Variants in ABCG8 observed in about 807,000 individuals in gnomAD.
ABCG8 encodes ATP binding cassette subfamily G member 8.
A neutral mutation model predicts 71.3 loss-of-function variants in ABCG8; 81 were observed. The ratio of observed to expected loss-of-function variants is 1.14; its 90% CI spans 0.95 to 1.37. The LOEUF (loss-of-function observed/expected upper bound fraction) is 1.37, where lower values mean the gene tolerates loss of function less well. ABCG8 is among the 40% of genes most tolerant of loss of function. The pLI, the probability that ABCG8 is intolerant of heterozygous loss-of-function variation, is 0.00. For synonymous variants in ABCG8, 451 were observed against 354.7 expected, an observed-to-expected ratio of 1.27 and a Z score of -3.05; for missense variants, 1,119 against 866.2, an observed-to-expected ratio of 1.29 and a Z score of -3.66.
At chr2:43,874,114 G>A (rs1337377408) in intron 9 of ABCG8, 128 bp downstream of exon 9, 2 of 1,068,112 alleles carry the variant, frequency 1.9e-6, no homozygotes, top group African/African-American at 1.6e-5. Context: ...TGTTTTTAAA[G>A]TTTGCATGTT....
chr2:43,856,766 C>G (rs1259438014), intron 6 of ABCG8, among the ~76,000 whole-genome samples: 1 of 151,732 alleles, frequency 6.6e-6, no homozygotes, highest in Non-Finnish European at 1.5e-5. Context: ...GGATAGAATT[C>G]TCACTCTAGA....
chr2:43,857,386 TCTCA>T (rs1410507581), intron 6 of ABCG8, among the ~76,000 whole-genome samples: 1 of 151,818 alleles, frequency 6.6e-6, no homozygotes, highest in African/African-American at 2.4e-5. Context: ...TGGATAGAAC[TCTCA>T]CTATCTATCT....
chr2:43,845,702 A>G (rs1011234240), intron 2 of ABCG8, among the ~76,000 whole-genome samples: 6 of 151,982 alleles, frequency 3.9e-5, no homozygotes, highest in South Asian at 2.1e-4. Flanking sequence ...GCTGACTGCA[A>G]TCTCTGCCTC....
At chr2:43,862,669 A>G (rs980236459) in intron 6 of ABCG8, among the ~76,000 whole-genome samples, 7 of 151,460 alleles carry the variant, frequency 4.6e-5, no homozygotes, top group Non-Finnish European at 8.9e-5. Flanking sequence ...TGGATAGAAT[A>G]GAATTCTCAC....
At chr2:43,850,777 G>T (rs1668887878) in intron 3 of ABCG8, among the ~76,000 whole-genome samples, 1 of 152,052 alleles carries the variant, frequency 6.6e-6, no homozygotes, top group Admixed American at 6.6e-5. Context: ...GCCGGGCATG[G>T]TAGCGCCTGT....
chr2:43,857,971 G>A lies in ABCG8; in HGVS notation c.964+5103G>A, dbSNP rs1170445592. On this transcript the variant is annotated intron_variant, in intron 6 of 12. Coordinates refer to ENST00000272286, the MANE Select transcript of ABCG8 (RefSeq NM_022437.3). ...GGGTAGATTGCTCACCATCTGGATAGAATTCTCACTATCTATCTATAGAAT... is the reference window on the plus strand; with the variant it reads ...GGGTAGATTGCTCACCATCTGGATAAAATTCTCACTATCTATCTATAGAAT... 7.3e-5 allele frequency among the ~76,000 whole-genome samples: 11 copies of A among 151,008 alleles called. 1 individual carries two copies. Among genetic ancestry groups the A allele is most frequent in the African/African-American group, 2.7e-4 (11 of 41,178 alleles).
At chr2:43,856,812 C>T (rs946148655) in intron 6 of ABCG8, among the ~76,000 whole-genome samples, 3 of 151,566 alleles carry the variant, frequency 2.0e-5, no homozygotes, top group African/African-American at 7.3e-5. Flanking sequence ...AGAATTCTCA[C>T]CCTCTGGATA....
intron 3 of ABCG8, among the ~76,000 whole-genome samples, chr2:43,851,349 A>G (rs1668907088): frequency 6.6e-6 from 1 of 152,204 alleles, no homozygotes; most frequent in African/African-American, 2.4e-5. Context: ...CCCCAGCGCC[A>G]TCATGCCTTG....
At position 43,872,191 on chromosome 2, in the gene ABCG8, C is replaced by T. The variant is rs111740641; in HGVS notation, c.1128-32C>T. The T allele has an allele frequency of 1.4e-3, 2,260 of 1,613,974 alleles. 28 individuals are homozygous for T. In the African/African-American group the frequency reaches 0.026, roughly 19 times the overall value. On this transcript the variant is annotated intron_variant, in intron 7 of 12. Transcript: ENST00000272286. ...GAGCTCCCTGCAGAAGGTGGCTGCCCCCATGACCTGGCCACATCTTCTGCC... is the reference window on the plus strand; with the variant it reads ...GAGCTCCCTGCAGAAGGTGGCTGCCTCCATGACCTGGCCACATCTTCTGCC...
intron 10 of ABCG8, among the ~76,000 whole-genome samples, chr2:43,874,774 T>C (rs189872861): frequency 2.0e-5 from 3 of 152,194 alleles, no homozygotes; most frequent in Non-Finnish European, 4.4e-5. Flanking sequence ...AGCCTCACTG[T>C]GGCCCCCCAG....
chr2:43,881,141 A>G lies in ABCG8; in HGVS notation c.*3228A>G, dbSNP rs1231525561. The G allele has an allele frequency of 1.3e-5, 2 of 152,298 alleles. No homozygotes were observed. The highest frequency in any genetic ancestry group is 3.2e-3 in the Middle Eastern group (1 of 316). 9.4% of individuals were successfully genotyped at this position (152,298 alleles called of 1,614,324 possible). ...CTAAGATACATCACCTGACTTTGTG[A>G]GTTCACCATTCGGTCTGCAATGGGT... On this transcript the variant is annotated 3_prime_UTR_variant, in exon 13 of 13. Transcript: ENST00000272286.
rs781002570 is a variant in ABCG8, at chr2:43,852,433, C to T, written c.641C>T (p.Ser214Leu). 1.1e-5 allele frequency: 18 copies of T among 1,612,620 alleles called. No homozygotes were observed. Among genetic ancestry groups the T allele is most frequent in the African/African-American group, 2.7e-5 (2 of 74,842 alleles). The change falls in exon 5 of 13, where the codon TCG (serine) becomes TTG (leucine). Residue 214 changes from serine (S) to leucine (L), a missense_variant. Physicochemically the swap from Ser to Leu is moderately radical, Grantham distance 145. Coordinates refer to ENST00000272286, the MANE Select transcript of ABCG8 (RefSeq NM_022437.3). ...GGCAACATGTACGTGCGGGGGTTGTCGGGGGGTGAGCGCAGGAGAGTCAGC... is the reference window on the plus strand; with the variant it reads ...GGCAACATGTACGTGCGGGGGTTGTTGGGGGGTGAGCGCAGGAGAGTCAGC... ...RVGNMYVRGL[S>L]GGERRRVSIG...
intron 6 of ABCG8, among the ~76,000 whole-genome samples, chr2:43,856,601 A>G (rs1233974845): frequency 1.3e-5 from 2 of 150,408 alleles, no homozygotes; most frequent in Non-Finnish European, 3.0e-5. Context: ...TCTGGATACA[A>G]TTTTCCCATC....
At chr2:43,850,670 T>C (rs975891697) in intron 3 of ABCG8, among the ~76,000 whole-genome samples, 10 of 152,164 alleles carry the variant, frequency 6.6e-5, no homozygotes, top group African/African-American at 2.4e-4. Context: ...TGATGCACTT[T>C]GGGAGGCCCA....
At chr2:43,846,488 T>C in intron 3 of ABCG8, 177 bp downstream of exon 3, 1 of 913,286 alleles carries the variant, frequency 1.1e-6, no homozygotes, top group Non-Finnish European at 1.7e-6. Context: ...GGCTCCTCCA[T>C]TTGCTGGCTT....
In ABCG8 at chr2:43,852,429, T is replaced by C. The variant is rs1668953305; in HGVS notation, c.637T>C (p.Leu213=). The change falls in exon 5 of 13, where the codon TTG becomes CTG. Residue 213 remains leucine, a synonymous_variant. Transcript: ENST00000272286. ...TRVGNMYVRG[L]SGGERRRVSI... The stretch of plus-strand genomic sequence containing the variant: ...CGTGGGCAACATGTACGTGCGGGGG[T>C]TGTCGGGGGGTGAGCGCAGGAGAGT... 1 of 1,612,038 alleles carries C rather than the reference T, an allele frequency of 6.2e-7. No individual in the cohort carries two copies. The highest frequency in any genetic ancestry group is 8.5e-7 in the Non-Finnish European group (1 of 1,179,820).
intron 6 of ABCG8, among the ~76,000 whole-genome samples, chr2:43,871,540 G>A (rs1249271275): frequency 1.3e-5 from 2 of 151,744 alleles, no homozygotes; most frequent in African/African-American, 2.4e-5. Context: ...AGCCTCCCCC[G>A]ACCAGCCCAA....
intron 6 of ABCG8, among the ~76,000 whole-genome samples, chr2:43,865,912 G>C (rs530730635): frequency 6.6e-6 from 1 of 152,252 alleles, no homozygotes; most frequent in East Asian, 1.9e-4. Context: ...TCTGTGGATA[G>C]AACTCTGACT....
intron 1 of ABCG8, among the ~76,000 whole-genome samples, chr2:43,840,748 C>T (rs1009933176): frequency 1.3e-5 from 2 of 152,252 alleles, no homozygotes; most frequent in East Asian, 1.9e-4. Flanking sequence ...ACTTCCAGCC[C>T]GAGCCACAAC....
Sources: gnomAD v4.1 joint callset for allele counts (sites outside exome capture counted in the v4.1 genomes callset) on GRCh38, gnomAD v4.1.1 for gene constraint, MANE v1.5 for transcripts, NCBI Gene and HGNC (gene_info 2026-07-23, HGNC 2026-07-21) for gene names.